The following RTN1 variants were observed in gnomAD, a reference collection of about 807,000 sequenced individuals.
The protein encoded by RTN1 is reticulon 1.
In RTN1, 25 loss-of-function variants were observed where a neutral mutation model predicts 65.5. The observed-to-expected ratio is 0.38, with a 90% CI of 0.28 to 0.53. RTN1 has a LOEUF of 0.53. RTN1 is among the 20% of genes least tolerant of loss of function. RTN1 has a pLI of 0.79. For synonymous variants in RTN1, 471 were observed against 447.6 expected (o/e 1.05, Z -0.66); for missense variants, 983 against 1,025.4 (o/e 0.96, Z 0.57).
At position 59,749,144 on chromosome 14, in the gene RTN1, ATC is replaced by A. The variant is rs1491459739; in HGVS notation, c.242-2665_242-2664del. 8.1e-5 allele frequency among the ~76,000 whole-genome samples: 9 copies of A among 110,938 alleles called. 1 individual carries two copies. The highest frequency in any genetic ancestry group is 3.6e-4 in the African/African-American group (8 of 22,366). The allele number at this position is 110,938 out of a possible 152,430, so 72.8% of individuals were successfully genotyped here. A position where few individuals can be genotyped will look rare whatever the true frequency, so the allele number is the denominator to read the frequency against. The stretch of plus-strand genomic sequence containing the variant: ...TATATAGATATATCTATATCTATCT[ATC>A]TATCTATCTATATCTATCTATATAT... On this transcript the variant is annotated intron_variant, in intron 1 of 8. Coordinates refer to ENST00000267484, the MANE Select transcript of RTN1 (RefSeq NM_021136.3).
At chr14:59,831,269 C>A (rs939912930) in intron 1 of RTN1, among the ~76,000 whole-genome samples, 11 of 152,212 alleles carry the variant, frequency 7.2e-5, no homozygotes, top group African/African-American at 2.7e-4. Flanking sequence ...AATCAGTAGA[C>A]TGGGTAAAGC....
chr14:59,680,275 A>C (rs1036979388), intron 3 of RTN1, among the ~76,000 whole-genome samples: 19 of 152,162 alleles, frequency 1.2e-4, no homozygotes, highest in Middle Eastern at 3.4e-3. Flanking sequence ...AAAAGGAAAG[A>C]GCAATCCCTC....
intron 1 of RTN1, among the ~76,000 whole-genome samples, chr14:59,819,414 A>ACCCCCCCC (rs1566737477): frequency 6.3e-5 from 2 of 31,862 alleles, no homozygotes; most frequent in East Asian, 6.0e-4. Flanking sequence ...CACCACCACC[A>ACCCCCCCC]CCCCCCCCCC....
intron 8 of RTN1, among the ~76,000 whole-genome samples, chr14:59,599,608 A>G (rs1164809388): frequency 6.6e-6 from 1 of 152,146 alleles, no homozygotes; most frequent in Non-Finnish European, 1.5e-5. Context: ...TTTTTTCCAC[A>G]AGGACACCAA....
At chr14:59,802,748 G>A (rs1183871568) in intron 1 of RTN1, among the ~76,000 whole-genome samples, 5 of 152,096 alleles carry the variant, frequency 3.3e-5, no homozygotes, top group Admixed American at 6.6e-5. Context: ...TTATTTTCCC[G>A]ATCTCTGACT....
chr14:59,606,125 T>TATATATATATATATATATATATATAA (rs1345665820), intron 4 of RTN1: 20 of 111,472 alleles, frequency 1.8e-4, no homozygotes, highest in African/African-American at 7.7e-4. Context: ...TATATATATA[T>TATATATATATATATATATATATATAA]ATCATACCAG....
At chr14:59,656,738 T>A (rs944921991) in intron 3 of RTN1, among the ~76,000 whole-genome samples, 3 of 152,204 alleles carry the variant, frequency 2.0e-5, no homozygotes, top group African/African-American at 7.2e-5. Context: ...GTCCTATACA[T>A]CTCTCAGAAT....
chr14:59,771,970 T>C (rs1368215546), intron 1 of RTN1, among the ~76,000 whole-genome samples: 1 of 152,238 alleles, frequency 6.6e-6, no homozygotes, highest in African/African-American at 2.4e-5. Flanking sequence ...TCCACTATAC[T>C]ATTCATTATT....
intron 1 of RTN1, among the ~76,000 whole-genome samples, chr14:59,822,095 T>A (rs1200966106): frequency 6.6e-6 from 1 of 152,192 alleles, no homozygotes; most frequent in Non-Finnish European, 1.5e-5. Context: ...TTACCAACTC[T>A]TCTTTGTATG....
chr14:59,647,349 G>T (rs1477988177), intron 3 of RTN1, among the ~76,000 whole-genome samples: 3 of 152,156 alleles, frequency 2.0e-5, no homozygotes, highest in South Asian at 2.1e-4. Flanking sequence ...CACAATAATA[G>T]TGGGAGACTT....
At chr14:59,768,711 A>G (rs985837376) in intron 1 of RTN1, among the ~76,000 whole-genome samples, 1 of 150,450 alleles carries the variant, frequency 6.6e-6, no homozygotes, top group Non-Finnish European at 1.5e-5. Context: ...ATTTAACTCC[A>G]TGTGTCTCGC....
Position 59,727,556 on chromosome 14 carries a change from C to A in RTN1, c.1128G>T (p.Pro376=), listed in dbSNP as rs751832060. 6.2e-7 allele frequency: 1 copy of A among 1,610,994 alleles called. No individual in the cohort carries two copies. The highest frequency in any genetic ancestry group is 1.3e-5 in the African/African-American group (1 of 74,906). ...LSYETAENPR[P]VGQLADRPEV... is the part of the protein sequence containing the mutation. ...CGGGCCTGTCGGCCAGCTGGCCCACCGGCCGTGGGTTCTCGGCGGTTTCAT... is the reference window on the plus strand; with the variant it reads ...CGGGCCTGTCGGCCAGCTGGCCCACAGGCCGTGGGTTCTCGGCGGTTTCAT... The change falls in exon 3 of 9, where the codon CCG becomes CCT. Residue 376 remains proline (P), a synonymous_variant. Coordinates refer to ENST00000267484, the MANE Select transcript of RTN1 (RefSeq NM_021136.3). This position sits in a 1 kb window ranked among gnomAD's most constrained non-coding sequence, Gnocchi z 4.2.
intron 1 of RTN1, among the ~76,000 whole-genome samples, chr14:59,839,251 C>T (rs1459879129): frequency 2.0e-5 from 3 of 152,110 alleles, no homozygotes; most frequent in Non-Finnish European, 4.4e-5. Flanking sequence ...TCAGTTTAAA[C>T]TAGAAATCAA....
rs1318061661 is a variant in RTN1, at chr14:59,843,364, T to G, written c.241+27026A>C. The stretch of plus-strand genomic sequence containing the variant: ...AGGATCCCTACTGATAGAAGTGTTC[T>G]TTTTTGATCTGGCCTGATCTGGGTG... On this transcript the variant is annotated intron_variant, in intron 1 of 8. Coordinates refer to ENST00000267484, the MANE Select transcript of RTN1 (RefSeq NM_021136.3). Among the ~76,000 whole-genome samples the G allele has an allele frequency of 2.0e-5, 3 of 152,340 alleles. No homozygotes were observed. The East Asian group carries it at 5.8e-4, about 29-fold the overall frequency.
chr14:59,654,255 G>A (rs551903354), intron 3 of RTN1, among the ~76,000 whole-genome samples: 15 of 151,992 alleles, frequency 9.9e-5, no homozygotes, highest in African/African-American at 1.9e-4. Flanking sequence ...GCGAAACCCC[G>A]TCTCTACTAA....
At chr14:59,841,339 A>G (rs1177239082) in intron 1 of RTN1, among the ~76,000 whole-genome samples, 1 of 152,220 alleles carries the variant, frequency 6.6e-6, no homozygotes, top group Non-Finnish European at 1.5e-5. Context: ...TCATATCTAT[A>G]ATTACACAAA....
At chr14:59,607,609 T>G (rs1881804667) in intron 3 of RTN1, 117 bp from the exon 4 acceptor site, 1 of 814,050 alleles carries the variant, frequency 1.2e-6, no homozygotes, top group East Asian at 2.7e-5. Flanking sequence ...TCTGGATTCC[T>G]AAACACAAGT....
At chr14:59,850,285 C>T (rs1481750081) in intron 1 of RTN1, among the ~76,000 whole-genome samples, 2 of 152,176 alleles carry the variant, frequency 1.3e-5, no homozygotes, top group East Asian at 3.8e-4. Flanking sequence ...AACATTATAG[C>T]TTAGCCTCAT....
At chr14:59,662,153 T>C (rs1594661642) in intron 3 of RTN1, among the ~76,000 whole-genome samples, 1 of 142,134 alleles carries the variant, frequency 7.0e-6, no homozygotes, top group Non-Finnish European at 1.6e-5. Context: ...GAAATCCAGC[T>C]TTCTTTTTTC....
Sources: gnomAD v4.1 joint callset for allele counts (sites outside exome capture counted in the v4.1 genomes callset) on GRCh38, gnomAD v4.1.1 for gene constraint, Gnocchi (gnomAD v3.1) non-coding constraint, MANE v1.5 for transcripts, NCBI Gene and HGNC (gene_info 2026-07-23, HGNC 2026-07-21) for gene names.